The following RYR3 variants were observed in gnomAD, a reference collection of about 807,000 sequenced individuals.
The protein encoded by RYR3 is brain ryanodine receptor-calcium release channel.
A neutral mutation model predicts 584.3 loss-of-function variants in RYR3; 207 were observed. That is an observed-to-expected ratio of 0.35 (90% confidence interval 0.32 to 0.40). The LOEUF (loss-of-function observed/expected upper bound fraction) is 0.40. RYR3 is among the 10% of genes least tolerant of loss of function. The pLI is 1.00. For missense variants in RYR3, 5,616 were observed against 6,089.2 expected, an observed-to-expected ratio of 0.92 and a Z score of 2.59; for synonymous variants, 2,416 against 2,248.5, an observed-to-expected ratio of 1.07 and a Z score of -2.11.
chr15:33,822,243 G>T (rs1207884869), intron 80 of RYR3, among the ~76,000 whole-genome samples: 1 of 152,172 alleles, frequency 6.6e-6, no homozygotes, highest in Non-Finnish European at 1.5e-5. Flanking sequence ...CAGAAGACAG[G>T]AACATACCGG....
intron 16 of RYR3, among the ~76,000 whole-genome samples, chr15:33,589,000 G>A (rs979013677): frequency 1.3e-5 from 2 of 152,138 alleles, no homozygotes; most frequent in Non-Finnish European, 1.5e-5. Context: ...ATCAAAAATG[G>A]TAGATCTATT....
At chr15:33,384,093 C>T (rs1466732919) in intron 1 of RYR3, among the ~76,000 whole-genome samples, 2 of 152,162 alleles carry the variant, frequency 1.3e-5, no homozygotes, top group African/African-American at 4.8e-5. Flanking sequence ...CTCTGCCCCC[C>T]TTTGATAGGC....
rs915437981 is a variant in RYR3 at position 33,759,129 on chromosome 15, C to T, written c.8705+1533C>T. Among the ~76,000 whole-genome samples the T allele has an allele frequency of 5.3e-5, 8 of 152,210 alleles. No individual in the cohort carries two copies. The South Asian group carries it at 8.3e-4, about 16-fold the overall frequency. ...AACAAAAACGACACCCATGCAAAAG[C>T]TCCATCCAAAGGTCACCAACATCAA... On this transcript the variant is annotated intron_variant, in intron 60 of 103. Coordinates refer to ENST00000634891, the MANE Select transcript of RYR3 (RefSeq NM_001036.6).
chr15:33,606,095 A>C (rs1394369056), intron 18 of RYR3, among the ~76,000 whole-genome samples: 1 of 152,236 alleles, frequency 6.6e-6, no homozygotes, highest in African/African-American at 2.4e-5. Context: ...ATGGAAAGTC[A>C]AGAACAAACA....
At chr15:33,863,893 A>ACTTAGTTCAAGGTATAGG (rs1305595851) in intron 102 of RYR3, among the ~76,000 whole-genome samples, 1 of 152,220 alleles carries the variant, frequency 6.6e-6, no homozygotes, top group Non-Finnish European at 1.5e-5. Flanking sequence ...AAGTGATCTT[A>ACTTAGTTCAAGGTATAGG]CTTAGTTCAA....
chr15:33,807,720 C>A, intron 70 of RYR3, 151 bp downstream of exon 70: 1 of 773,456 alleles, frequency 1.3e-6, no homozygotes, highest in South Asian at 1.6e-5. Flanking sequence ...AAGACAACTG[C>A]CTGTCAAAGA....
intron 1 of RYR3, among the ~76,000 whole-genome samples, chr15:33,347,693 C>T (rs1013799617): frequency 5.3e-5 from 8 of 152,072 alleles, no homozygotes; most frequent in Non-Finnish European, 8.8e-5. Context: ...GTGATCCGCC[C>T]GCCTCAGCCT....
At chr15:33,755,360 C>T (rs979369366) in intron 58 of RYR3, among the ~76,000 whole-genome samples, 180 bp downstream of exon 58, 2 of 152,154 alleles carry the variant, frequency 1.3e-5, no homozygotes, top group Admixed American at 6.5e-5. Flanking sequence ...GTGGCTCACA[C>T]CTGTAATCCC....
chr15:33,541,817 G>A (rs186250813), intron 7 of RYR3, among the ~76,000 whole-genome samples: 30 of 152,238 alleles, frequency 2.0e-4, no homozygotes, highest in Admixed American at 3.9e-4. Flanking sequence ...GCTTTAAAAG[G>A]TAGGATGTGT....
At chr15:33,586,141 G>T (rs766204489) in intron 16 of RYR3, 25 bp downstream of exon 16, 2 of 1,367,898 alleles carry the variant, frequency 1.5e-6, no homozygotes, top group South Asian at 1.2e-5. Flanking sequence ...AACGGTGATT[G>T]ACTTTGCCTG....
chr15:33,659,189 C>T (rs2063000143), intron 32 of RYR3, among the ~76,000 whole-genome samples: 1 of 152,206 alleles, frequency 6.6e-6, no homozygotes. Context: ...AAAAAGCTAC[C>T]TGGCCTGAAA....
intron 43 of RYR3, 143 bp from the exon 44 acceptor site, chr15:33,722,572 C>G: frequency 1.4e-6 from 1 of 731,502 alleles, no homozygotes; most frequent in Non-Finnish European, 2.3e-6. Flanking sequence ...TTCTCCACTC[C>G]CACTGCCCAC....
At chr15:33,785,534 C>A in intron 65 of RYR3, 128 bp from the exon 66 acceptor site, 1 of 744,130 alleles carries the variant, frequency 1.3e-6, no homozygotes. Context: ...CACTCCACAT[C>A]CAAGCTCACT....
At chr15:33,514,570 A>T (rs1310049662) in intron 3 of RYR3, among the ~76,000 whole-genome samples, 1 of 150,184 alleles carries the variant, frequency 6.7e-6, no homozygotes, top group African/African-American at 2.4e-5. Context: ...ACTCATTTTC[A>T]TGTCTTTGAT....
chr15:33,508,302 A>G (rs2052649163), intron 3 of RYR3, among the ~76,000 whole-genome samples: 1 of 152,214 alleles, frequency 6.6e-6, no homozygotes, highest in Non-Finnish European at 1.5e-5. Context: ...ACGTAAGATT[A>G]TGCCTGACTT....
In RYR3 at chr15:33,812,985, C is replaced by T. The variant is rs2076628084; in HGVS notation, c.10380C>T (p.His3460=). 1.2e-6 allele frequency: 2 copies of T among 1,613,964 alleles called. No individual in the cohort carries two copies. The highest frequency in any genetic ancestry group is 1.7e-6 in the Non-Finnish European group (2 of 1,179,854). The change falls in exon 73 of 104, where the codon CAC becomes CAT. Residue 3460 remains histidine (H), a synonymous_variant. Coordinates refer to ENST00000634891, the MANE Select transcript of RYR3 (RefSeq NM_001036.6). ...AGAGAATTTCAGCAGCTGTCTTCCACCTGGAACAGGTAAGGAGCATCTGCC... is the reference window on the plus strand; with the variant it reads ...AGAGAATTTCAGCAGCTGTCTTCCATCTGGAACAGGTAAGGAGCATCTGCC... The part of the protein sequence containing the change: ...RVQRISAAVF[H]LEQVEQPLRS...
intron 1 of RYR3, among the ~76,000 whole-genome samples, chr15:33,374,328 C>T (rs2040558974): frequency 6.6e-6 from 1 of 151,792 alleles, no homozygotes; most frequent in African/African-American, 2.4e-5. Flanking sequence ...TGTCTCCTTG[C>T]TCTGTGTGTC....
intron 1 of RYR3, among the ~76,000 whole-genome samples, chr15:33,462,145 A>T (rs2048089965): frequency 6.6e-6 from 1 of 152,188 alleles, no homozygotes; most frequent in Non-Finnish European, 1.5e-5. Context: ...AACCTTCTAA[A>T]AGTCAGCCCA....
intron 18 of RYR3, among the ~76,000 whole-genome samples, chr15:33,607,117 C>T (rs2059946978): frequency 6.6e-6 from 1 of 152,132 alleles, no homozygotes; most frequent in Non-Finnish European, 1.5e-5. Context: ...AGAAGAGCAG[C>T]GCTTTTCTGT....
Sources: allele counts gnomAD v4.1 joint callset (sites outside exome capture counted in the v4.1 genomes callset), GRCh38; gene constraint gnomAD v4.1.1; transcripts MANE v1.5; gene names NCBI Gene and HGNC (gene_info 2026-07-23, HGNC 2026-07-21).